SPAG16: variants seen among roughly 807,000 people sequenced by gnomAD.
SPAG16 encodes the protein sperm-associated antigen 16 protein.
In SPAG16, 86 loss-of-function variants were observed where a neutral mutation model predicts 80.4. That is an observed-to-expected ratio of 1.07 (90% confidence interval 0.90 to 1.28). SPAG16 has a LOEUF of 1.28. Among genes scored for constraint, SPAG16 ranks in the 50% most tolerant of loss-of-function variants. The pLI is 0.00. For synonymous variants in SPAG16, 294 were observed against 265.9 expected, an observed-to-expected ratio of 1.11 and a Z score of -1.03; for missense variants, 870 against 765.3, an observed-to-expected ratio of 1.14 and a Z score of -1.61.
At chr2:213,347,695 T>G (rs188148021) in intron 6 of SPAG16, among the ~76,000 whole-genome samples, 210 of 152,360 alleles carry the variant, frequency 1.4e-3, no homozygotes, top group African/African-American at 4.8e-3. Flanking sequence ...GTTGAGCGGT[T>G]TTCAGTGAGT....
At chr2:214,404,758 T>G (rs1264958537) in intron 15 of SPAG16, among the ~76,000 whole-genome samples, 1 of 151,860 alleles carries the variant, frequency 6.6e-6, no homozygotes, top group South Asian at 2.1e-4. Context: ...TTTATTACAG[T>G]TTGGAGTCTA....
chr2:213,548,686 T>G (rs1468253927), intron 10 of SPAG16, among the ~76,000 whole-genome samples: 1 of 152,166 alleles, frequency 6.6e-6, no homozygotes, highest in Non-Finnish European at 1.5e-5. Flanking sequence ...TTTTCTCCAT[T>G]TTTCTTTTGA....
chr2:213,454,593 C>G (rs954855527), intron 9 of SPAG16, among the ~76,000 whole-genome samples: 1 of 152,086 alleles, frequency 6.6e-6, no homozygotes, highest in Non-Finnish European at 1.5e-5. Flanking sequence ...TATTCTTAAT[C>G]AAAATTTTCC....
intron 15 of SPAG16, among the ~76,000 whole-genome samples, chr2:214,267,108 C>CA (rs1265167561): frequency 1.3e-5 from 2 of 150,534 alleles, no homozygotes; most frequent in South Asian, 2.1e-4. Context: ...TATGGAACTA[C>CA]AAAAAATCCT....
chr2:214,215,713 C>T (rs1157681703), intron 15 of SPAG16, among the ~76,000 whole-genome samples: 5 of 152,206 alleles, frequency 3.3e-5, no homozygotes, highest in Non-Finnish European at 7.3e-5. Context: ...TGCTTTCCTA[C>T]TGAGCCTATG....
chr2:213,295,939 T>A (rs896736778), intron 1 of SPAG16, 125 bp from the exon 2 acceptor site: 4 of 680,980 alleles, frequency 5.9e-6, no homozygotes, highest in Non-Finnish European at 9.8e-6. Flanking sequence ...AAGATTAAAT[T>A]ATATATATTT....
intron 10 of SPAG16, among the ~76,000 whole-genome samples, chr2:213,684,519 T>C (rs7576499): frequency 0.34 from 51,381 of 152,058 alleles, 8,938 homozygotes; most frequent in Middle Eastern, 0.45. Flanking sequence ...AAGTTAATCC[T>C]ATTTAAAATG....
intron 15 of SPAG16, among the ~76,000 whole-genome samples, chr2:214,173,198 G>T (rs1001871786): frequency 2.0e-5 from 3 of 151,822 alleles, no homozygotes; most frequent in African/African-American, 7.3e-5. Flanking sequence ...ATGGTAATGC[G>T]TAGGTTTTCT....
chr2:213,700,767 C>G (rs761143385), intron 10 of SPAG16, among the ~76,000 whole-genome samples: 6 of 152,204 alleles, frequency 3.9e-5, no homozygotes, highest in Non-Finnish European at 7.4e-5. Flanking sequence ...TTCATTACCT[C>G]TTTTACAGAT....
intron 13 of SPAG16, among the ~76,000 whole-genome samples, chr2:214,101,516 A>G (rs1223138733): frequency 1.3e-5 from 2 of 152,072 alleles, no homozygotes; most frequent in African/African-American, 2.4e-5. Flanking sequence ...GGAGTATTCT[A>G]TGTCATTTCC....
At chr2:213,767,455 C>T (rs1442342993) in intron 10 of SPAG16, among the ~76,000 whole-genome samples, 1 of 151,904 alleles carries the variant, frequency 6.6e-6, no homozygotes, top group Non-Finnish European at 1.5e-5. Context: ...ATCACTTGAG[C>T]CCAGGAGTTC....
chr2:213,349,950 A>G (rs1399330811), intron 6 of SPAG16, among the ~76,000 whole-genome samples: 4 of 152,214 alleles, frequency 2.6e-5, no homozygotes, highest in Admixed American at 6.5e-5. Flanking sequence ...TGTTTTATCC[A>G]TGTAAATTAC....
chr2:213,385,501 C>A (rs2067380492), intron 9 of SPAG16, among the ~76,000 whole-genome samples: 1 of 152,098 alleles, frequency 6.6e-6, no homozygotes, highest in African/African-American at 2.4e-5. Context: ...CCTGCAGTTC[C>A]TTGGAAGTAG....
At chr2:213,560,758 T>C (rs570919296) in intron 10 of SPAG16, among the ~76,000 whole-genome samples, 5 of 152,364 alleles carry the variant, frequency 3.3e-5, no homozygotes, top group Non-Finnish European at 7.3e-5. Flanking sequence ...GAGTTTATTT[T>C]CTTTTTATAA....
At chr2:213,773,381 T>G (rs2069373620) in intron 10 of SPAG16, among the ~76,000 whole-genome samples, 1 of 152,202 alleles carries the variant, frequency 6.6e-6, no homozygotes, top group Non-Finnish European at 1.5e-5. Context: ...ACTTCATATT[T>G]ATGGCATATA....
intron 10 of SPAG16, among the ~76,000 whole-genome samples, chr2:213,693,613 A>T (rs1407678148): frequency 6.6e-6 from 1 of 152,124 alleles, no homozygotes; most frequent in African/African-American, 2.4e-5. Context: ...CTTATTTCCT[A>T]TTCTTTTCCT....
chr2:213,576,410 T>G (rs1240961782), intron 10 of SPAG16, among the ~76,000 whole-genome samples: 2 of 152,128 alleles, frequency 1.3e-5, no homozygotes, highest in African/African-American at 4.8e-5. Flanking sequence ...AGGAAGACAG[T>G]GTGGCAACTC....
At chr2:213,783,002 G>A (rs7557238) in intron 10 of SPAG16, among the ~76,000 whole-genome samples, 1 of 151,198 alleles carries the variant, frequency 6.6e-6, no homozygotes, top group Non-Finnish European at 1.5e-5. Flanking sequence ...ACCCACTAAC[G>A]TGTCATCTAG....
At chr2:214,378,836 A>G (rs543647397) in intron 15 of SPAG16, among the ~76,000 whole-genome samples, 32 of 152,316 alleles carry the variant, frequency 2.1e-4, no homozygotes, top group African/African-American at 7.2e-4. Flanking sequence ...AGACCTAGGA[A>G]ACAAGTTCCA....
Sources: allele counts gnomAD v4.1 joint callset (sites outside exome capture counted in the v4.1 genomes callset), GRCh38; gene constraint gnomAD v4.1.1; transcripts MANE v1.5; gene names NCBI Gene and HGNC (gene_info 2026-07-23, HGNC 2026-07-21).